The following USP32 variants were observed in gnomAD, a reference collection of about 807,000 sequenced individuals.
USP32 encodes the protein ubiquitin carboxyl-terminal hydrolase 32.
USP32 carries 59 observed loss-of-function variants against 204.8 expected under a neutral mutation model. That is an observed-to-expected ratio of 0.29 (90% CI 0.23 to 0.36). USP32 has a LOEUF of 0.36. Among genes scored for constraint, USP32 ranks in the 10% least tolerant of loss-of-function variants. The pLI, the probability that USP32 is intolerant of heterozygous loss-of-function variation, is 1.00. For synonymous variants in USP32, 517 were observed against 678.4 expected (o/e 0.76, Z 3.70); for missense variants, 1,160 against 1,946.4 (o/e 0.60, Z 7.60).
intron 30 of USP32, 71 bp downstream of exon 30, chr17:60,185,389 C>A (rs2084224766): frequency 2.7e-6 from 4 of 1,470,764 alleles, no homozygotes; most frequent in Non-Finnish European, 3.6e-6. Context: ...ATAACAAAAC[C>A]TCCTGTTTGT....
intron 11 of USP32, among the ~76,000 whole-genome samples, chr17:60,242,577 AT>A (rs1394360480): frequency 1.3e-5 from 2 of 152,032 alleles, no homozygotes; most frequent in Non-Finnish European, 2.9e-5. Flanking sequence ...TGCCTGGCTA[AT>A]TTTTGTGTTT....
intron 1 of USP32, among the ~76,000 whole-genome samples, chr17:60,389,908 T>A (rs1336789116): frequency 1.3e-5 from 2 of 151,444 alleles, no homozygotes; most frequent in African/African-American, 2.4e-5. Context: ...TCCCAGCTGC[T>A]GGGGAGGCTG....
At chr17:60,422,302 C>T in exon 1 of USP32, 1 of 525,614 alleles carries the variant, frequency 1.9e-6, no homozygotes, top group Non-Finnish European at 3.1e-6. Context: ...GCGCCAGCCT[C>T]TCCTGGCCTG....
intron 2 of USP32, among the ~76,000 whole-genome samples, chr17:60,315,260 C>T (rs1356444515): frequency 2.0e-5 from 3 of 151,966 alleles, no homozygotes; most frequent in Non-Finnish European, 2.9e-5. Context: ...ATTAGCCAGG[C>T]GTGGCGGTGT....
intron 1 of USP32, among the ~76,000 whole-genome samples, chr17:60,406,848 AT>A (rs2089980047): frequency 6.6e-6 from 1 of 151,854 alleles, no homozygotes. Flanking sequence ...TTCAAACTCC[AT>A]TTTGTAAGGT....
intron 1 of USP32, among the ~76,000 whole-genome samples, chr17:60,410,448 C>G (rs1290385411): frequency 1.3e-5 from 2 of 152,104 alleles, no homozygotes; most frequent in African/African-American, 4.8e-5. Context: ...GCGGGCAGAT[C>G]ACAAGGTCAG....
chr17:60,209,380 A>G lies in USP32; in HGVS notation c.2588T>C (p.Val863Ala). Residue 863 changes from valine to alanine, a missense_variant, in exon 22 of 34, where the codon GTA (valine) becomes GCA (alanine). Transcript: ENST00000300896. ...KDSDGRPDWE[V>A]AAEAWDNHLR... ...TCAAAACTGACAAACCTCTGCAGCT[A>G]CTTCCCAGTCTGGTCGCCCATCACT... The G allele has an allele frequency of 6.8e-7, 1 of 1,477,308 alleles. No individual in the cohort carries two copies. Among genetic ancestry groups the G allele is most frequent in the Non-Finnish European group, 9.0e-7 (1 of 1,108,208 alleles). The allele number at this position is 1,477,308 out of a possible 1,614,324, so 91.5% of individuals were successfully genotyped here. A position where few individuals can be genotyped will look rare whatever the true frequency, so the allele number is the denominator to read the frequency against.
At chr17:60,210,514 C>T (rs927069955) in intron 21 of USP32, among the ~76,000 whole-genome samples, 1 of 152,172 alleles carries the variant, frequency 6.6e-6, no homozygotes, top group African/African-American at 2.4e-5. Flanking sequence ...GCCATCTTGT[C>T]CAGGCTGGTC....
chr17:60,255,022 C>T (rs237966), intron 10 of USP32, among the ~76,000 whole-genome samples, 153 bp downstream of exon 10: 19,270 of 151,264 alleles, frequency 0.13, 2,554 homozygotes, highest in African/African-American at 0.33. Context: ...CAGCAAGCAC[C>T]CATCTTTCAG....
intron 2 of USP32, among the ~76,000 whole-genome samples, chr17:60,329,027 C>T (rs997655604): frequency 3.3e-5 from 5 of 152,108 alleles, no homozygotes; most frequent in East Asian, 3.9e-4. Flanking sequence ...AAAAGCCCAG[C>T]GGGCCCAGAC....
Position 60,185,421 on chromosome 17 carries a change from C to T in USP32, c.3834+39G>A, listed in dbSNP as rs185182385. 7 of 1,507,448 alleles carry T rather than the reference C, an allele frequency of 4.6e-6. No homozygotes were observed. In the African/African-American group the frequency reaches 5.5e-5, roughly 12 times the overall value. The allele number at this position is 1,507,448 out of a possible 1,614,324, so 93.4% of individuals were successfully genotyped here. A position where few individuals can be genotyped will look rare whatever the true frequency, so the allele number is the denominator to read the frequency against. The stretch of plus-strand genomic sequence containing the variant: ...TTGTTCATGTCTTCTTTCTTTTATG[C>T]CAGATTCCTGCTCTCTCAGAGGCAG... On this transcript the variant is annotated intron_variant, in intron 30 of 33. Transcript: ENST00000300896.
chr17:60,303,810 C>T (rs938125845), intron 2 of USP32, among the ~76,000 whole-genome samples: 6 of 151,834 alleles, frequency 4.0e-5, no homozygotes, highest in Non-Finnish European at 5.9e-5. Context: ...TGGAATGGCT[C>T]AAGAATAAAC....
Position 60,265,494 on chromosome 17 carries a change from G to C in USP32, c.928-20C>G. ...TAATTCCTTTAAAAATAACCCAAAG[G>C]AGTAATTAGAAAACAGTGAATATAC... On this transcript the variant is annotated intron_variant, in intron 8 of 33. Coordinates refer to ENST00000300896, the MANE Select transcript of USP32 (RefSeq NM_032582.4). The C allele has an allele frequency of 6.7e-7, 1 of 1,485,694 alleles. No homozygotes were observed. Among genetic ancestry groups the C allele is most frequent in the African/African-American group, 1.4e-5 (1 of 71,734 alleles). 92.0% of individuals were successfully genotyped at this position (1,485,694 alleles called of 1,614,324 possible). A position where few individuals can be genotyped will look rare whatever the true frequency, so the allele number is the denominator to read the frequency against.
rs769177824 is a variant in USP32, at chr17:60,391,862, CCA to C, written c.58+18_58+19del. The C allele has an allele frequency of 3.1e-6, 5 of 1,604,356 alleles. No individual in the cohort carries two copies. In the African/African-American group the frequency reaches 6.7e-5, roughly 22 times the overall value. ...GTCGCGGGCCTCCCAGGCAGCTCGCCCAGACCCCTCCCCCCTCACCTCTCCTC... is the reference window on the plus strand; with the variant it reads ...GTCGCGGGCCTCCCAGGCAGCTCGCCGACCCCTCCCCCCTCACCTCTCCTC... On this transcript the variant is annotated intron_variant, in intron 1 of 33. Coordinates refer to ENST00000300896, the MANE Select transcript of USP32 (RefSeq NM_032582.4).
chr17:60,339,735 T>C (rs919952568), intron 2 of USP32, among the ~76,000 whole-genome samples: 1 of 152,132 alleles, frequency 6.6e-6, no homozygotes, highest in Non-Finnish European at 1.5e-5. Flanking sequence ...TCTAAAAATA[T>C]AAAGCTACTG....
intron 12 of USP32, among the ~76,000 whole-genome samples, chr17:60,228,704 T>A (rs923191012): frequency 6.6e-6 from 1 of 151,818 alleles, no homozygotes; most frequent in South Asian, 2.1e-4. Context: ...GCACCTTTAG[T>A]CCCCAGTAAC....
At position 60,226,221 on chromosome 17, in the gene USP32, G is replaced by A; in HGVS notation, c.1250C>T (p.Pro417Leu). The change falls in exon 13 of 34, where the codon CCT becomes CTT. Residue 417 changes from proline to leucine, a missense_variant. By Grantham distance (98) the Pro-to-Leu change is moderately conservative. Coordinates refer to ENST00000300896, the MANE Select transcript of USP32 (RefSeq NM_032582.4). ...WKEYVKYDAN[P>L]VVIEPSSVLN... The stretch of plus-strand genomic sequence containing the variant: ...AACAGATGATGGCTCAATTACCACA[G>A]GGTTGGCATCCTAAAATCAGGAAAT... The A allele has an allele frequency of 6.5e-7, 1 of 1,537,360 alleles. No individual in the cohort carries two copies. Among genetic ancestry groups the A allele is most frequent in the East Asian group, 2.5e-5 (1 of 40,766 alleles).
chr17:60,317,312 G>C (rs2088004546), intron 2 of USP32, among the ~76,000 whole-genome samples: 1 of 151,724 alleles, frequency 6.6e-6, no homozygotes, highest in African/African-American at 2.4e-5. Flanking sequence ...CCAGGAGTTT[G>C]AGACCAGCCT....
chr17:60,410,454 G>T (rs920755430), intron 1 of USP32, among the ~76,000 whole-genome samples: 9 of 152,018 alleles, frequency 5.9e-5, no homozygotes, highest in African/African-American at 2.2e-4. Context: ...AGATCACAAG[G>T]TCAGGAGATT....
Sources: gnomAD v4.1 joint callset for allele counts (sites outside exome capture counted in the v4.1 genomes callset) on GRCh38, gnomAD v4.1.1 for gene constraint, MANE v1.5 for transcripts, NCBI Gene and HGNC (gene_info 2026-07-23, HGNC 2026-07-21) for gene names.